CDH12: variants seen among roughly 807,000 people sequenced by gnomAD.
The protein encoded by CDH12 is cadherin 12.
Under a neutral mutation model 74.1 loss-of-function variants are expected in CDH12, and 41 were observed. The observed-to-expected ratio is 0.55, with a 90% CI of 0.43 to 0.72. The LOEUF (loss-of-function observed/expected upper bound fraction) is 0.72. Ranked by LOEUF, CDH12 falls within the 30% of genes least tolerant of loss-of-function variation. The pLI is 0.00. For synonymous variants in CDH12, 399 were observed against 355.0 expected, an observed-to-expected ratio of 1.12 and a Z score of -1.39; for missense variants, 945 against 977.2, an observed-to-expected ratio of 0.97 and a Z score of 0.44.
chr5:22,413,906 TTC>T (rs970260268), intron 2 of CDH12, among the ~76,000 whole-genome samples: 1 of 151,980 alleles, frequency 6.6e-6, no homozygotes, highest in Admixed American at 6.6e-5. Flanking sequence ...TGAATGCCCT[TTC>T]TCTCTCTCTT....
chr5:21,756,742 C>T (rs6451994), intron 13 of CDH12, among the ~76,000 whole-genome samples: 113,226 of 151,672 alleles, frequency 0.75, 42,625 homozygotes, highest in Middle Eastern at 0.78. Flanking sequence ...CTATGCATAA[C>T]ACTTGAGAAT....
chr5:22,770,434 G>A (rs1387359294), intron 1 of CDH12, among the ~76,000 whole-genome samples: 1 of 152,086 alleles, frequency 6.6e-6, no homozygotes, highest in Non-Finnish European at 1.5e-5. Context: ...CAGTTGGCAA[G>A]AATTGAGTTT....
intron 3 of CDH12, among the ~76,000 whole-genome samples, chr5:22,304,399 A>G (rs1443007602): frequency 6.6e-6 from 1 of 152,142 alleles, no homozygotes; most frequent in African/African-American, 2.4e-5. Flanking sequence ...TTAGTAGGAA[A>G]TGCCTTTCTT....
chr5:22,767,980 A>G (rs1037984760), intron 1 of CDH12, among the ~76,000 whole-genome samples: 4 of 152,044 alleles, frequency 2.6e-5, no homozygotes, highest in African/African-American at 9.6e-5. Flanking sequence ...CTGATCATAT[A>G]CAACTCAATG....
chr5:22,370,548 T>C (rs1256129259), intron 3 of CDH12, among the ~76,000 whole-genome samples: 2 of 152,218 alleles, frequency 1.3e-5, no homozygotes, highest in Non-Finnish European at 2.9e-5. Flanking sequence ...CCCTCCATTA[T>C]ATTCCTTGAA....
chr5:21,929,621 G>A (rs968857740), intron 6 of CDH12, among the ~76,000 whole-genome samples: 5 of 152,080 alleles, frequency 3.3e-5, no homozygotes, highest in African/African-American at 1.2e-4. Flanking sequence ...AACCTCAGGT[G>A]ATCCTCTCAC....
intron 4 of CDH12, among the ~76,000 whole-genome samples, chr5:22,122,495 C>A (rs1229063568): frequency 6.6e-6 from 1 of 151,944 alleles, no homozygotes; most frequent in African/African-American, 2.4e-5. Flanking sequence ...TCTCCTATTT[C>A]CCTTATTCCT....
At chr5:22,384,159 T>C (rs1741887392) in intron 3 of CDH12, among the ~76,000 whole-genome samples, 1 of 152,188 alleles carries the variant, frequency 6.6e-6, no homozygotes. Context: ...TAAGGAAACT[T>C]TGCTCTGTTA....
chr5:22,849,645 A>C (rs1737458847), intron 1 of CDH12, among the ~76,000 whole-genome samples: 1 of 152,128 alleles, frequency 6.6e-6, no homozygotes, highest in African/African-American at 2.4e-5. Context: ...TTAAGGAATA[A>C]TACGTAAGTC....
chr5:22,759,299 C>T (rs1412092224), intron 1 of CDH12, among the ~76,000 whole-genome samples: 2 of 152,122 alleles, frequency 1.3e-5, no homozygotes, highest in African/African-American at 4.8e-5. Context: ...ATTCTTCAAC[C>T]TCTAGTATAC....
chr5:22,233,540 A>C (rs1281952248), intron 3 of CDH12, among the ~76,000 whole-genome samples: 1 of 152,166 alleles, frequency 6.6e-6, no homozygotes, highest in Non-Finnish European at 1.5e-5. Flanking sequence ...CAGTAAGTCA[A>C]TGTTACTGCT....
At chr5:22,032,937 G>C (rs150474476) in intron 5 of CDH12, among the ~76,000 whole-genome samples, 1 of 147,796 alleles carries the variant, frequency 6.8e-6, no homozygotes, top group African/African-American at 2.5e-5. Context: ...GGACAGAGGA[G>C]AACAGACTGT....
chr5:22,819,962 CATATATATACATATACAT>C (rs1381045592), intron 1 of CDH12, among the ~76,000 whole-genome samples: 5 of 141,074 alleles, frequency 3.5e-5, no homozygotes, highest in African/African-American at 7.9e-5. Context: ...TATATATACA[CATATATATACATATACAT>C]ATATATACAT....
intron 6 of CDH12, among the ~76,000 whole-genome samples, chr5:21,886,936 A>G (rs1752663536): frequency 6.6e-6 from 1 of 152,230 alleles, no homozygotes; most frequent in East Asian, 1.9e-4. Flanking sequence ...TGGGGCCGTG[A>G]GAGTCATGGA....
chr5:22,136,337 G>A (rs1167718855), intron 4 of CDH12, among the ~76,000 whole-genome samples: 3 of 151,752 alleles, frequency 2.0e-5, no homozygotes, highest in African/African-American at 7.3e-5. Context: ...TGAACTTGCT[G>A]GAAAAAAACA....
At chr5:21,973,831 C>T (rs1756954564) in intron 6 of CDH12, among the ~76,000 whole-genome samples, 1 of 152,176 alleles carries the variant, frequency 6.6e-6, no homozygotes, top group Admixed American at 6.6e-5. Flanking sequence ...TACTTTCTAA[C>T]AAGATATGCT....
intron 5 of CDH12, among the ~76,000 whole-genome samples, chr5:22,061,811 T>C (rs770300019): frequency 6.6e-6 from 1 of 152,176 alleles, no homozygotes; most frequent in East Asian, 1.9e-4. Flanking sequence ...ATATTTCTGG[T>C]GCCAATATAA....
chr5:22,057,856 G>A (rs1740849661), intron 5 of CDH12, among the ~76,000 whole-genome samples: 1 of 152,242 alleles, frequency 6.6e-6, no homozygotes, highest in South Asian at 2.1e-4. Flanking sequence ...GCATCTCTGT[G>A]TTCTCCAGAG....
rs113719507 is a variant in CDH12, at chr5:22,342,836, T to G, written c.-333+62421A>C. On this transcript the variant is annotated intron_variant, in intron 3 of 14. Coordinates refer to ENST00000382254, the MANE Select transcript of CDH12 (RefSeq NM_004061.5). ...TCTCTCTTTCTCTCTCTGTCTCTCTTTCTGTCTGTCTGTCTGTCTGTCTGT... is the reference window on the plus strand; with the variant it reads ...TCTCTCTTTCTCTCTCTGTCTCTCTGTCTGTCTGTCTGTCTGTCTGTCTGT... Among the ~76,000 whole-genome samples, 252 of 148,220 alleles carry G rather than the reference T, an allele frequency of 1.7e-3. 2 individuals are homozygous for G. Among genetic ancestry groups the G allele is most frequent in the Admixed American group, 0.012 (182 of 14,914 alleles).
Sources: allele counts gnomAD v4.1 joint callset (sites outside exome capture counted in the v4.1 genomes callset), GRCh38; gene constraint gnomAD v4.1.1; transcripts MANE v1.5; gene names NCBI Gene and HGNC (gene_info 2026-07-23, HGNC 2026-07-21).